The following VAMP1 variants were observed in gnomAD, a reference collection of about 807,000 sequenced individuals.
VAMP1 encodes the protein vesicle associated membrane protein 1, also known as vesicle-associated membrane protein 1.
A neutral mutation model predicts 19.1 loss-of-function variants in VAMP1; 16 were observed. The ratio of observed to expected loss-of-function variants is 0.84; its 90% CI spans 0.57 to 1.27. The LOEUF is 1.27. VAMP1 is among the 50% of genes most tolerant of loss of function. The probability of loss-of-function intolerance (pLI) is 0.00; values close to 1 mark genes in which losing one functional copy is unlikely to be tolerated. For missense variants in VAMP1, 109 were observed against 145.4 expected, an observed-to-expected ratio of 0.75 and a Z score of 1.29; for synonymous variants, 37 against 50.2, an observed-to-expected ratio of 0.74 and a Z score of 1.11.
At chr12:6,464,698 G>C in intron 4 of VAMP1, 192 bp downstream of exon 4, 1 of 1,501,460 alleles carries the variant, frequency 6.7e-7, no homozygotes, top group Non-Finnish European at 8.8e-7. Flanking sequence ...GCGTTGCAGG[G>C]GGAAGGCTTG....
rs1052234204 is a variant in VAMP1 at position 6,463,502 on chromosome 12, C to T, written c.*968G>A. 1.9e-6 allele frequency: 2 copies of T among 1,037,970 alleles called. No homozygotes were observed. The allele number at this position is 1,037,970 out of a possible 1,614,324, so 64.3% of individuals were successfully genotyped here. On this transcript the variant is annotated 3_prime_UTR_variant, in exon 5 of 5. Coordinates refer to ENST00000396308, the MANE Select transcript of VAMP1 (RefSeq NM_014231.5). The surrounding 1 kb of genome is among the most constrained non-coding windows in gnomAD (Gnocchi z 4.0). ...TAACACCCTCACGCTCCTTCATCAA[C>T]AGGAAGAGAGGAACAGGACCCTCTT...
Position 6,464,902 on chromosome 12 carries a change from C to T in VAMP1, c.328G>A (p.Val110Ile). 1 of 1,614,060 alleles carries T rather than the reference C, an allele frequency of 6.2e-7. No homozygotes were observed. Among genetic ancestry groups the T allele is most frequent in the Non-Finnish European group, 8.5e-7 (1 of 1,179,992 alleles). The change falls in exon 4 of 5, where the codon GTA (valine) becomes ATA (isoleucine). Residue 110 changes from valine (V) to isoleucine (I), a missense_variant. Coordinates refer to ENST00000396308, the MANE Select transcript of VAMP1 (RefSeq NM_014231.5). ...MLGAICAIIV[V>I]VIVIYFFT ...CAGCGATACTTACTTACAATAACTA[C>T]CACGATGATGGCACAGATGGCTCCC...
chr12:6,463,142 T>C lies in VAMP1; in HGVS notation c.*1328A>G, dbSNP rs897804422. On this transcript the variant is annotated 3_prime_UTR_variant, in exon 5 of 5. Coordinates refer to ENST00000396308, the MANE Select transcript of VAMP1 (RefSeq NM_014231.5). This position sits in a 1 kb window ranked among gnomAD's most constrained non-coding sequence, Gnocchi z 4.0. The stretch of plus-strand genomic sequence containing the variant: ...CAGATCCCATCCTCAGGTTCCACTG[T>C]CTATACACACAAACCATGCAAAGAG... The C allele has an allele frequency of 3.4e-6, 5 of 1,471,908 alleles. No individual in the cohort carries two copies. Among genetic ancestry groups the C allele is most frequent in the Non-Finnish European group, 4.5e-6 (5 of 1,116,108 alleles). The allele number at this position is 1,471,908 out of a possible 1,614,324, so 91.2% of individuals were successfully genotyped here.
intron 1 of VAMP1, 107 bp from the exon 2 acceptor site, chr12:6,466,458 G>A (rs1950027891): frequency 3.8e-6 from 5 of 1,309,632 alleles, no homozygotes; most frequent in Non-Finnish European, 5.2e-6. Context: ...TGAAGTGGGA[G>A]GAGCGCTTGA....
intron 1 of VAMP1, among the ~76,000 whole-genome samples, chr12:6,470,323 C>T (rs1945739219): frequency 6.6e-6 from 1 of 151,978 alleles, no homozygotes; most frequent in Admixed American, 6.5e-5. Context: ...GCCCCTGCCC[C>T]GCCCGTGGGG....
At chr12:6,464,662 A>G in intron 4 of VAMP1, 176 bp from the exon 5 acceptor site, 1 of 1,464,258 alleles carries the variant, frequency 6.8e-7, no homozygotes, top group Non-Finnish European at 9.0e-7. Context: ...ACTTCCTCAG[A>G]ACAGGAGGCG....
chr12:6,466,207 A>C lies in VAMP1; in HGVS notation c.129+18T>G, dbSNP rs770230156. ...CTCCTAGATTTGGAAACTTTCAGAG[A>C]AACAGCTATCTACCTACCTCCTCCA... On this transcript the variant is annotated intron_variant, in intron 2 of 4. Transcript: ENST00000396308. 6.2e-7 allele frequency: 1 copy of C among 1,614,134 alleles called. No homozygotes were observed. Among genetic ancestry groups the C allele is most frequent in the Non-Finnish European group, 8.5e-7 (1 of 1,180,016 alleles).
At chr12:6,464,640 C>T (rs998181915) in intron 4 of VAMP1, 154 bp from the exon 5 acceptor site, 4 of 1,455,634 alleles carry the variant, frequency 2.7e-6, no homozygotes, top group Non-Finnish European at 3.6e-6. Context: ...CAGTGACACA[C>T]AGCATAGCCC....
In VAMP1 at chr12:6,462,996, A is replaced by G. The variant is rs1471376511; in HGVS notation, c.*1474T>C. 1 of 1,550,418 alleles carries G rather than the reference A, an allele frequency of 6.4e-7. No homozygotes were observed. The highest frequency in any genetic ancestry group is 8.7e-7 in the Non-Finnish European group (1 of 1,147,018). On this transcript the variant is annotated 3_prime_UTR_variant, in exon 5 of 5. Coordinates refer to ENST00000396308, the MANE Select transcript of VAMP1 (RefSeq NM_014231.5). ...TGTTCGTGGACCGAGGGAAGAAGGA[A>G]TAAAGGGCCATGGGCATTCTCCGCT...
intron 1 of VAMP1, among the ~76,000 whole-genome samples, chr12:6,467,526 T>G (rs1384476998): frequency 3.9e-5 from 6 of 152,158 alleles, no homozygotes; most frequent in East Asian, 1.9e-4. Context: ...TTGAGAGAGA[T>G]AATTTAGGGT....
intron 3 of VAMP1, among the ~76,000 whole-genome samples, 191 bp downstream of exon 3, chr12:6,465,651 C>T (rs181992688): frequency 6.6e-4 from 101 of 152,024 alleles, no homozygotes; most frequent in Admixed American, 3.6e-3. Context: ...TCTAAATACT[C>T]TAGCCTACCC....
Position 6,470,519 on chromosome 12 carries a change from A to C in VAMP1, c.2+11T>G, listed in dbSNP as rs1945746747. On this transcript the variant is annotated intron_variant, in intron 1 of 4. Coordinates refer to ENST00000396308, the MANE Select transcript of VAMP1 (RefSeq NM_014231.5). The stretch of plus-strand genomic sequence containing the variant: ...AGGAGGTGCCGAGCCCCCACACCAG[A>C]GTCAACTCACATTTTTCTGACAGAG... The C allele has an allele frequency of 1.2e-6, 2 of 1,613,952 alleles. No homozygotes were observed. The highest frequency in any genetic ancestry group is 1.7e-6 in the Non-Finnish European group (2 of 1,179,882).
rs1432741462 is a variant in VAMP1, at chr12:6,464,445, A to G, written c.*25T>C. 2 of 1,566,314 alleles carry G rather than the reference A, an allele frequency of 1.3e-6. No individual in the cohort carries two copies. The highest frequency in any genetic ancestry group is 1.7e-6 in the Non-Finnish European group (2 of 1,155,184). ...AGGACATGAATGTGGATGGCAATGG[A>G]CAACAGGGAAGGGGTGGTACATTCT... On this transcript the variant is annotated 3_prime_UTR_variant, in exon 5 of 5. Transcript: ENST00000396308.
intron 1 of VAMP1, among the ~76,000 whole-genome samples, chr12:6,467,542 G>A (rs932655112): frequency 2.6e-5 from 4 of 152,178 alleles, no homozygotes; most frequent in African/African-American, 9.7e-5. Context: ...AGGGTATCTG[G>A]CAGAAGAAAA....
At chr12:6,464,715 A>G (rs761752803) in intron 4 of VAMP1, 175 bp downstream of exon 4, 71 of 1,510,030 alleles carry the variant, frequency 4.7e-5, no homozygotes, top group Non-Finnish European at 5.2e-5. Context: ...CTTGTCCATC[A>G]AAGAAATCCC....
At chr12:6,468,469 C>G (rs1423597317) in intron 1 of VAMP1, among the ~76,000 whole-genome samples, 2 of 152,170 alleles carry the variant, frequency 1.3e-5, no homozygotes, top group African/African-American at 4.8e-5. Context: ...TAGATAGAAT[C>G]TGGGGCCCAA....
At chr12:6,466,122 C>A in intron 2 of VAMP1, 103 bp downstream of exon 2, 1 of 1,611,314 alleles carries the variant, frequency 6.2e-7, no homozygotes, top group South Asian at 1.1e-5. Context: ...CTCTCAGGGC[C>A]TTTGACTATT....
At chr12:6,466,118 G>A (rs1950018112) in intron 2 of VAMP1, 107 bp downstream of exon 2, 2 of 1,611,084 alleles carry the variant, frequency 1.2e-6, no homozygotes, top group Non-Finnish European at 1.7e-6. Flanking sequence ...TTGCCTCTCA[G>A]GGCCTTTGAC....
chr12:6,466,990 G>C (rs1182568379), intron 1 of VAMP1: 1 of 162,110 alleles, frequency 6.2e-6, no homozygotes, highest in East Asian at 1.8e-4. Flanking sequence ...AGATCTGATG[G>C]GTTTATCAGT....
Sources: allele counts gnomAD v4.1 joint callset (sites outside exome capture counted in the v4.1 genomes callset), GRCh38; gene constraint gnomAD v4.1.1; non-coding constraint Gnocchi (gnomAD v3.1); transcripts MANE v1.5; gene names NCBI Gene and HGNC (gene_info 2026-07-23, HGNC 2026-07-21).